Variants in LILRB2 observed in about 807,000 individuals in gnomAD.
LILRB2 encodes leukocyte immunoglobulin like receptor B2.
In LILRB2, 47 loss-of-function variants were observed where a neutral mutation model predicts 72.7. That is an observed-to-expected ratio of 0.65 (90% CI 0.51 to 0.82). The LOEUF (loss-of-function observed/expected upper bound fraction) is 0.82. Among genes scored for constraint, LILRB2 ranks in the 40% least tolerant of loss-of-function variants. The pLI is 0.00. For missense variants in LILRB2, 767 were observed against 764.8 expected, an observed-to-expected ratio of 1.00 and a Z score of -0.03; for synonymous variants, 279 against 313.7, an observed-to-expected ratio of 0.89 and a Z score of 1.17.
Position 54,280,710 on chromosome 19 carries a change from G to C in LILRB2, c.-48-166C>G, listed in dbSNP as rs2080510315. On this transcript the variant is annotated intron_variant, in intron 1 of 13. Coordinates refer to ENST00000314446, the MANE Select transcript of LILRB2 (RefSeq NM_001080978.4). ...CTCTCATTCTTTTAGAGCTGAGGTG[G>C]GGGCAGGCACTGGGCCCTCTGCAGA... 4.1e-6 allele frequency: 4 copies of C among 975,790 alleles called. No individual in the cohort carries two copies. In the Admixed American group the frequency reaches 7.4e-5, roughly 18 times the overall value. 60.4% of individuals were successfully genotyped at this position (975,790 alleles called of 1,614,324 possible). A position where few individuals can be genotyped will look rare whatever the true frequency, so the allele number is the denominator to read the frequency against.
In LILRB2 at chr19:54,278,872, C is replaced by T. The variant is rs2080393850; in HGVS notation, c.895G>A (p.Ala299Thr). 5 of 1,613,996 alleles carry T rather than the reference C, an allele frequency of 3.1e-6. No individual in the cohort carries two copies. Among genetic ancestry groups the T allele is most frequent in the Non-Finnish European group, 4.2e-6 (5 of 1,179,948 alleles). The change falls in exon 6 of 14, where the codon GCA becomes ACA. Residue 299 changes from alanine (A) to threonine (T), a missense_variant. Physicochemically the swap from Ala to Thr is moderately conservative, Grantham distance 58 (BLOSUM62 0). Transcript: ENST00000314446. ...SYGGQYRCYG[A>T]HNLSSECSAP... ...GAGCACTCAGAGGAGAGGTTGTGTG[C>T]ACCGTAGCATCTGTACTGGCCCCCG...
intron 1 of LILRB2, 178 bp from the exon 2 acceptor site, chr19:54,280,722 G>A: frequency 5.2e-6 from 3 of 580,798 alleles, no homozygotes; most frequent in South Asian, 4.4e-5. Flanking sequence ...GGCAGGCACT[G>A]GGCCCTCTGC....
At chr19:54,278,232 T>C (rs1242131659) in intron 7 of LILRB2, 28 bp downstream of exon 7, 1 of 1,612,888 alleles carries the variant, frequency 6.2e-7, no homozygotes, top group Non-Finnish European at 8.5e-7. Flanking sequence ...GCCTTTGAGC[T>C]CAGAGAGGAC....
intron 12 of LILRB2, 44 bp from the exon 13 acceptor site, chr19:54,276,047 T>C: frequency 6.2e-7 from 1 of 1,607,766 alleles, no homozygotes; most frequent in East Asian, 2.2e-5. Context: ...GAAGGTTCCC[T>C]GGGACCTCTG....
At chr19:54,280,106 T>G (rs1236881377) in intron 3 of LILRB2, 31 bp from the exon 4 acceptor site, 2 of 1,612,006 alleles carry the variant, frequency 1.2e-6, no homozygotes, top group Non-Finnish European at 1.7e-6. Context: ...AGATTCGAAG[T>G]CATTTCCCAC....
chr19:54,276,992 G>A, intron 9 of LILRB2, 63 bp from the exon 10 acceptor site: 3 of 1,553,162 alleles, frequency 1.9e-6, no homozygotes, highest in South Asian at 1.2e-5. Context: ...ACTGTGTGCA[G>A]GTGACTGCTG....
In LILRB2 at chr19:54,278,445, T is replaced by G; in HGVS notation, c.1073A>C (p.Lys358Thr). The change falls in exon 7 of 14, where the codon AAG becomes ACG. Residue 358 changes from lysine to threonine, a missense_variant. Lys to Thr is a moderately conservative substitution (Grantham distance 78). Around this residue, in one of 3 missense-constraint regions of LILRB2, gnomAD observed 599 missense variants for 568.2 expected, o/e 1.05. Transcript: ENST00000314446. ...GAGTGGGGCATCAGCTGCTCCCGCC[T>G]TGGTCAGAAGGAAAGTGTGGAACTG... ...WRQFHTFLLT[K>T]AGAADAPLRL... 6.2e-7 allele frequency: 1 copy of G among 1,614,176 alleles called. No homozygotes were observed.
chr19:54,276,539 A>G, intron 10 of LILRB2, 83 bp from the exon 11 acceptor site: 2 of 1,350,452 alleles, frequency 1.5e-6, no homozygotes, highest in South Asian at 2.9e-5. Flanking sequence ...TAAGGAAGGA[A>G]ACCTAAAAAC....
At position 54,274,104 on chromosome 19, in the gene LILRB2, T is replaced by A. The variant is rs2080101654; in HGVS notation, c.*579A>T. 2 of 153,722 alleles carry A rather than the reference T, an allele frequency of 1.3e-5. No individual in the cohort carries two copies. The highest frequency in any genetic ancestry group is 6.4e-5 in the Admixed American group (1 of 15,550). 9.5% of individuals were successfully genotyped at this position (153,722 alleles called of 1,614,324 possible). Reference sequence around the variant, plus strand: ...TGGCTCACTCCCATATGGAAATGCGTGCCTGCTCTTTCTTTCTCTTGCTCA... The same window carrying A: ...TGGCTCACTCCCATATGGAAATGCGAGCCTGCTCTTTCTTTCTCTTGCTCA... On this transcript the variant is annotated 3_prime_UTR_variant, in exon 14 of 14. Coordinates refer to ENST00000314446, the MANE Select transcript of LILRB2 (RefSeq NM_001080978.4).
In LILRB2 at chr19:54,278,270, G is replaced by C; in HGVS notation, c.1248C>G (p.Leu416=). 1.2e-6 allele frequency: 2 copies of C among 1,614,168 alleles called. No homozygotes were observed. The highest frequency in any genetic ancestry group is 1.7e-6 in the Non-Finnish European group (2 of 1,180,022). ...GGTCAAGGCCCCCACCTGAGACCAC[G>C]AGCTCCAGGGGCTCACTGGGGTGAG... ...LLSHPSEPLE[L]VVSGPSMGSS... Residue 416 remains leucine, a synonymous_variant, in exon 7 of 14, where the codon CTC becomes CTG. Coordinates refer to ENST00000314446, the MANE Select transcript of LILRB2 (RefSeq NM_001080978.4).
chr19:54,279,467 G>A lies in LILRB2; in HGVS notation c.536C>T (p.Ala179Val). 6.2e-7 allele frequency: 1 copy of A among 1,614,206 alleles called. No individual in the cohort carries two copies. Among genetic ancestry groups the A allele is most frequent in the Non-Finnish European group, 8.5e-7 (1 of 1,180,026 alleles). ...GCTCACGGGGCCCACGGAGAAGATG[G>A]CGCGGGACGACCCACGGGCATGGGG... The part of the protein sequence containing the change: ...SQPHARGSSR[A>V]IFSVGPVSPN... Residue 179 changes from alanine to valine, a missense_variant, in exon 5 of 14, where the codon GCC (alanine) becomes GTC (valine). Physicochemically the swap from Ala to Val is moderately conservative, Grantham distance 64. Coordinates refer to ENST00000314446, the MANE Select transcript of LILRB2 (RefSeq NM_001080978.4).
chr19:54,281,051 G>C lies in LILRB2; in HGVS notation c.-139C>G, dbSNP rs567577789. ...ACTCAGATCAGCAGAGAAGCATCTC[G>C]CCTCTGGCTGTGCTGTCCAGGTTGA... On this transcript the variant is annotated 5_prime_UTR_variant, in exon 1 of 14. Coordinates refer to ENST00000314446, the MANE Select transcript of LILRB2 (RefSeq NM_001080978.4). 39 of 294,564 alleles carry C rather than the reference G, an allele frequency of 1.3e-4. 1 individual carries two copies. The highest frequency in any genetic ancestry group is 2.4e-4 in the Non-Finnish European group (37 of 155,256). 18.2% of individuals were successfully genotyped at this position (294,564 alleles called of 1,614,324 possible).
intron 9 of LILRB2, 147 bp from the exon 10 acceptor site, chr19:54,277,076 G>A: frequency 6.6e-7 from 1 of 1,512,252 alleles, no homozygotes; most frequent in African/African-American, 1.4e-5. Context: ...CCACTCTACA[G>A]ATGAAAAACT....
In LILRB2 at chr19:54,280,286, G is replaced by A. The variant is rs1316658558; in HGVS notation, c.48C>T (p.Gly16=). Residue 16 remains glycine, a synonymous_variant, in exon 3 of 14, where the codon GGC becomes GGT. Coordinates refer to ENST00000314446, the MANE Select transcript of LILRB2 (RefSeq NM_001080978.4). ...TVLICLGLSL[G]PRTRVQTGTI... ...CACCTGTCTGCACGCGGGTCCTGGG[G>A]CCCAGACTCAGCCCTGGAAGAGAGT... The A allele has an allele frequency of 3.1e-6, 5 of 1,614,074 alleles. No homozygotes were observed. The highest frequency in any genetic ancestry group is 1.7e-5 in the Admixed American group (1 of 60,026).
rs765985864 is a variant in LILRB2, at chr19:54,278,986, C to A, written c.781G>T (p.Glu261Ter). 6.8e-6 allele frequency: 11 copies of A among 1,613,652 alleles called. No individual in the cohort carries two copies. Among genetic ancestry groups the A allele is most frequent in the Non-Finnish European group, 8.5e-6 (10 of 1,179,616 alleles). ...YDRFVLYKEG[E>*]RDLRQLPGRQ... Reference sequence around the variant, plus strand: ...CCAGGGAGCTGGCGAAGGTCACGTTCCCCCTCCTTGTACAGAACAAATCTG... The same window carrying A: ...CCAGGGAGCTGGCGAAGGTCACGTTACCCCTCCTTGTACAGAACAAATCTG... Residue 261 changes from glutamate to a stop codon, truncating the protein, a stop_gained, in exon 6 of 14, where the codon GAA becomes TAA. Transcript: ENST00000314446. LOFTEE classifies it high-confidence loss of function.
rs2080376424 is a variant in LILRB2 at position 54,278,616 on chromosome 19, C to T, written c.956-54G>A. The T allele has an allele frequency of 1.4e-5, 23 of 1,589,392 alleles. No individual in the cohort carries two copies. The South Asian group carries it at 2.5e-4, about 17-fold the overall frequency. On this transcript the variant is annotated intron_variant, in intron 6 of 13. Transcript: ENST00000314446. Reference sequence around the variant, plus strand: ...TGCCCCACCTTGCTCTGAGCTGAGACCTCCCCAGGCCTCTCTAGGAGCCTC... The same window carrying T: ...TGCCCCACCTTGCTCTGAGCTGAGATCTCCCCAGGCCTCTCTAGGAGCCTC...
rs1347820465 is a variant in LILRB2 at position 54,278,906 on chromosome 19, G to C, written c.861C>G (p.Ser287Arg). The change falls in exon 6 of 14, where the codon AGC becomes AGG. Residue 287 changes from serine (S) to arginine (R), a missense_variant. Physicochemically the swap from Ser to Arg is moderately radical, Grantham distance 110 (BLOSUM62 -1). This residue lies in a region of LILRB2 where 599 missense variants were observed against 568.2 expected (regional missense o/e 1.05). Transcript: ENST00000314446. ...SQANFTLGPV[S>R]RSYGGQYRCY... is the part of the protein sequence containing the mutation. The stretch of plus-strand genomic sequence containing the variant: ...ATCTGTACTGGCCCCCGTAGGAGCG[G>C]CTCACAGGGCCCAGGGTGAAGTTGG... 9.9e-6 allele frequency: 16 copies of C among 1,614,160 alleles called. No homozygotes were observed. Among genetic ancestry groups the C allele is most frequent in the East Asian group, 4.5e-5 (2 of 44,876 alleles).
In LILRB2 at chr19:54,276,645, T is replaced by C. The variant is rs3855677; in HGVS notation, c.1480+162A>G. The C allele has an allele frequency of 1.0e-5, 15 of 1,446,968 alleles. No individual in the cohort carries two copies. In the African/African-American group the frequency reaches 1.1e-4, roughly 11 times the overall value. 89.6% of individuals were successfully genotyped at this position (1,446,968 alleles called of 1,614,324 possible). A position where few individuals can be genotyped will look rare whatever the true frequency, so the allele number is the denominator to read the frequency against. ...GGGACTGAGCCCGGAGGACACTTTATATTTGTAGATGGGACTGACGTTAAG... is the reference window on the plus strand; with the variant it reads ...GGGACTGAGCCCGGAGGACACTTTACATTTGTAGATGGGACTGACGTTAAG... On this transcript the variant is annotated intron_variant, in intron 10 of 13. Transcript: ENST00000314446.
At chr19:54,276,611 T>G (rs772785281) in intron 10 of LILRB2, 155 bp from the exon 11 acceptor site, 3 of 1,424,598 alleles carry the variant, frequency 2.1e-6, no homozygotes, top group Non-Finnish European at 2.9e-6. Context: ...ACACTTTACA[T>G]TTGTAGATGG....
Sources: gnomAD v4.1 joint callset for allele counts on GRCh38, gnomAD v4.1.1 for gene constraint, gnomAD v4.1.1 regional missense constraint, MANE v1.5 for transcripts, NCBI Gene and HGNC (gene_info 2026-07-23, HGNC 2026-07-21) for gene names.